Variants in LLGL2 observed in about 807,000 individuals in gnomAD.
LLGL2 encodes the protein LLGL2, scribble cell polarity complex component.
Under a neutral mutation model 123.2 loss-of-function variants are expected in LLGL2, and 81 were observed. That is an observed-to-expected ratio of 0.66 (90% CI 0.55 to 0.79). The LOEUF (loss-of-function observed/expected upper bound fraction) is 0.79, where lower values mean the gene tolerates loss of function less well. LLGL2 is among the 30% of genes least tolerant of loss of function. The pLI is 0.00. For missense variants in LLGL2, 1,273 were observed against 1,414.6 expected, an observed-to-expected ratio of 0.90 and a Z score of 1.61; for synonymous variants, 577 against 594.1, an observed-to-expected ratio of 0.97 and a Z score of 0.42.
intron 1 of LLGL2, among the ~76,000 whole-genome samples, chr17:75,534,356 A>G (rs1295160891): frequency 6.6e-6 from 1 of 152,234 alleles, no homozygotes; most frequent in Non-Finnish European, 1.5e-5. Context: ...GGTGGGGGGA[A>G]TGGAGGCTGA....
intron 2 of LLGL2, among the ~76,000 whole-genome samples, chr17:75,554,391 C>T (rs1003349190): frequency 1.1e-4 from 16 of 151,428 alleles, no homozygotes; most frequent in African/African-American, 2.2e-4. Context: ...GCAGGAGGAT[C>T]GCTTGAGTCT....
chr17:75,530,503 A>G (rs1221530214), intron 1 of LLGL2, among the ~76,000 whole-genome samples: 1 of 152,182 alleles, frequency 6.6e-6, no homozygotes, highest in Non-Finnish European at 1.5e-5. Context: ...ACAAAAAATT[A>G]GCTGGGCATG....
chr17:75,573,521 T>C lies in LLGL2; in HGVS notation c.2766T>C (p.Ser922=). Residue 922 remains serine, a synonymous_variant, in exon 21 of 26, where the codon TCT becomes TCC. Coordinates refer to ENST00000392550, the MANE Select transcript of LLGL2 (RefSeq NM_001031803.2). ...CACCCTCGGAGTTTGAGCGCTTCTC[T>C]CTCTCCACCAAGTGGCTGGTGGAGC... ...LISPSEFERF[S]LSTKWLVEPR... is the part of the protein sequence containing the mutation. The C allele has an allele frequency of 6.2e-7, 1 of 1,612,730 alleles. No homozygotes were observed. Among genetic ancestry groups the C allele is most frequent in the South Asian group, 1.1e-5 (1 of 91,080 alleles).
intron 10 of LLGL2, among the ~76,000 whole-genome samples, chr17:75,566,326 C>T (rs1273909311): frequency 2.0e-5 from 3 of 152,186 alleles, no homozygotes; most frequent in Non-Finnish European, 4.4e-5. Flanking sequence ...TGTCTGGCTG[C>T]CATGTGGGGG....
chr17:75,536,337 C>T (rs1274330540), intron 1 of LLGL2, among the ~76,000 whole-genome samples: 2 of 152,166 alleles, frequency 1.3e-5, no homozygotes, highest in Non-Finnish European at 2.9e-5. Context: ...CTTAAGTGCA[C>T]AGCACCTGAG....
rs756612177 is a variant in LLGL2, at chr17:75,556,161, G to C, written c.173+18G>C. The C allele has an allele frequency of 1.1e-5, 18 of 1,592,888 alleles. No individual in the cohort carries two copies. The Admixed American group carries it at 3.0e-4, about 27-fold the overall frequency. ...ATCAAGCTGTATCCTCCGTCCCCTC[G>C]CTCCCACTCGGGCAGGGCCTTGGGG... On this transcript the variant is annotated intron_variant, in intron 3 of 25. Coordinates refer to ENST00000392550, the MANE Select transcript of LLGL2 (RefSeq NM_001031803.2).
intron 1 of LLGL2, among the ~76,000 whole-genome samples, chr17:75,540,752 G>A (rs978319116): frequency 7.9e-5 from 12 of 152,272 alleles, no homozygotes; most frequent in African/African-American, 2.9e-4. Flanking sequence ...GTGTTTTGCT[G>A]CTGTGGTCTG....
rs1198023370 is a variant in LLGL2, at chr17:75,536,366, C to T, written c.-30-7031C>T. On this transcript the variant is annotated intron_variant, in intron 1 of 25. Transcript: ENST00000392550. ...ACCTGAGAGTTTGCCAAGCCCGCTC[C>T]CTGGCCCTGCTTTAAAGCCTCGGGA... 2.0e-5 allele frequency among the ~76,000 whole-genome samples: 3 copies of T among 152,196 alleles called. No individual in the cohort carries two copies. The East Asian group carries it at 5.8e-4, about 29-fold the overall frequency.
rs1379194630 is a variant in LLGL2 at position 75,563,825 on chromosome 17, C to T, written c.881+19C>T. Reference sequence around the variant, plus strand: ...GGCAGGGGTAGGTATCCATGCTGGTCCTCTTTCCTCTCCAGAGCCTTCCTG... The same window carrying T: ...GGCAGGGGTAGGTATCCATGCTGGTTCTCTTTCCTCTCCAGAGCCTTCCTG... On this transcript the variant is annotated intron_variant, in intron 9 of 25. Transcript: ENST00000392550. 6.2e-7 allele frequency: 1 copy of T among 1,612,834 alleles called. No individual in the cohort carries two copies. Among genetic ancestry groups the T allele is most frequent in the African/African-American group, 1.3e-5 (1 of 74,902 alleles).
chr17:75,556,656 C>T (rs2054926797), intron 3 of LLGL2, among the ~76,000 whole-genome samples: 1 of 152,218 alleles, frequency 6.6e-6, no homozygotes, highest in Non-Finnish European at 1.5e-5. Flanking sequence ...GCGCCAGTAG[C>T]AAGGCCTAGG....
rs778701779 is a variant in LLGL2 at position 75,564,462 on chromosome 17, C to T, written c.991C>T (p.Arg331Cys). 8.7e-6 allele frequency: 14 copies of T among 1,613,422 alleles called. No homozygotes were observed. The highest frequency in any genetic ancestry group is 1.7e-5 in the Admixed American group (1 of 60,008). ...GCAGACGGCCTTCGACTTCACCTCC[C>T]GTGTCATCGGCTTCACTGTCCTCAC... ...GQQTAFDFTS[R>C]VIGFTVLTEA... Residue 331 changes from arginine to cysteine, a missense_variant, in exon 10 of 26, where the codon CGT becomes TGT. Transcript: ENST00000392550. The surrounding 1 kb of genome is among the most constrained non-coding windows in gnomAD (Gnocchi z 4.9).
intron 2 of LLGL2, among the ~76,000 whole-genome samples, chr17:75,553,446 G>C (rs539149290): frequency 1.3e-5 from 2 of 152,340 alleles, no homozygotes; most frequent in South Asian, 4.1e-4. Flanking sequence ...CTGACTGATG[G>C]GGGAGGCAGG....
chr17:75,556,364 G>A (rs542032401), intron 3 of LLGL2, among the ~76,000 whole-genome samples: 43 of 152,316 alleles, frequency 2.8e-4, no homozygotes, highest in Non-Finnish European at 4.9e-4. Flanking sequence ...ATGCGACCCT[G>A]TCCTTTGCAG....
At position 75,546,857 on chromosome 17, in the gene LLGL2, G is replaced by A. The variant is rs182001129; in HGVS notation, c.75+3356G>A. 5.0e-4 allele frequency among the ~76,000 whole-genome samples: 73 copies of A among 146,366 alleles called. 1 individual carries two copies. Among genetic ancestry groups the A allele is most frequent in the Non-Finnish European group, 7.8e-4 (50 of 64,420 alleles). ...GGAGGGCAGGTCCAGCAGACAGGCG[G>A]AGGGCAGGTCCAGCGGACGGTGGGA... On this transcript the variant is annotated intron_variant, in intron 2 of 25. Coordinates refer to ENST00000392550, the MANE Select transcript of LLGL2 (RefSeq NM_001031803.2).
chr17:75,569,411 A>G, intron 14 of LLGL2, 86 bp downstream of exon 14: 1 of 1,104,360 alleles, frequency 9.1e-7, no homozygotes, highest in South Asian at 1.3e-5. Flanking sequence ...CACCTGCCTA[A>G]CGCACATTCT....
chr17:75,571,034 T>C lies in LLGL2; in HGVS notation c.2110T>C (p.Ser704Pro). Residue 704 changes from serine (S) to proline (P), a missense_variant, in exon 17 of 26, where the codon TCG (serine) becomes CCG (proline). By Grantham distance (74) the Ser-to-Pro change is moderately conservative. Coordinates refer to ENST00000392550, the MANE Select transcript of LLGL2 (RefSeq NM_001031803.2). ...APVQRKIEAR[S>P]AEDSFTGFVR... Reference sequence around the variant, plus strand: ...TGTGCAGCGCAAGATCGAGGCTCGCTCGGCAGAGGACTCCTTCACAGGCTT... The same window carrying C: ...TGTGCAGCGCAAGATCGAGGCTCGCCCGGCAGAGGACTCCTTCACAGGCTT... 1 of 1,612,910 alleles carries C rather than the reference T, an allele frequency of 6.2e-7. No individual in the cohort carries two copies. The highest frequency in any genetic ancestry group is 1.1e-5 in the South Asian group (1 of 91,072).
In LLGL2 at chr17:75,559,219, T is replaced by C. The variant is rs549944528; in HGVS notation, c.372-33T>C. 1.0e-4 allele frequency: 157 copies of C among 1,556,302 alleles called. No homozygotes were observed. The highest frequency in any genetic ancestry group is 4.6e-4 in the Admixed American group (24 of 51,752). Reference sequence around the variant, plus strand: ...CCATGGCATCTCCCCTGCTGGGCAGTGGTCGGCTCACGGGCAGCTGTTCTT... The same window carrying C: ...CCATGGCATCTCCCCTGCTGGGCAGCGGTCGGCTCACGGGCAGCTGTTCTT... On this transcript the variant is annotated intron_variant, in intron 5 of 25. Coordinates refer to ENST00000392550, the MANE Select transcript of LLGL2 (RefSeq NM_001031803.2). The surrounding 1 kb of genome is among the most constrained non-coding windows in gnomAD (Gnocchi z 4.6).
intron 14 of LLGL2, among the ~76,000 whole-genome samples, 177 bp from the exon 15 acceptor site, chr17:75,569,786 G>A (rs1220301874): frequency 7.0e-6 from 1 of 143,230 alleles, no homozygotes; most frequent in African/African-American, 2.8e-5. Flanking sequence ...CTGGGCAACA[G>A]AGCAAGACTT....
Position 75,563,427 on chromosome 17 carries a change from C to T in LLGL2, c.790C>T (p.Gln264Ter), listed in dbSNP as rs1386444405. ...YCQWPVSSEAQQPEPLRSLVP... is the reference protein window; with the variant it reads ...YCQWPVSSEA ...CCAGTGGCCCGTGTCCAGCGAAGCC[C>T]AGCAACCAGAGCCCCTCCGCAGCCT... is the stretch of plus-strand genomic sequence containing the variant. Residue 264 changes from glutamine to a stop codon, truncating the protein, a stop_gained, in exon 8 of 26, where the codon CAG becomes TAG. Coordinates refer to ENST00000392550, the MANE Select transcript of LLGL2 (RefSeq NM_001031803.2). LOFTEE classifies it high-confidence loss of function. The T allele has an allele frequency of 6.2e-7, 1 of 1,612,858 alleles. No homozygotes were observed. The highest frequency in any genetic ancestry group is 8.5e-7 in the Non-Finnish European group (1 of 1,180,032).
Sources: gnomAD v4.1 joint callset for allele counts (sites outside exome capture counted in the v4.1 genomes callset) on GRCh38, gnomAD v4.1.1 for gene constraint, Gnocchi (gnomAD v3.1) non-coding constraint, MANE v1.5 for transcripts, NCBI Gene and HGNC (gene_info 2026-07-23, HGNC 2026-07-21) for gene names.